The following GPAT3 variants were observed in gnomAD, a reference collection of about 807,000 sequenced individuals.
GPAT3 encodes glycerol-3-phosphate acyltransferase 3.
A neutral mutation model predicts 58.8 loss-of-function variants in GPAT3; 53 were observed. That is an observed-to-expected ratio of 0.90 (90% CI 0.72 to 1.13). The LOEUF is 1.13. GPAT3 is among the 50% of genes most tolerant of loss of function. GPAT3 has a pLI of 0.00. For missense variants in GPAT3, 511 were observed against 527.6 expected (o/e 0.97, Z 0.31); for synonymous variants, 197 against 187.4 (o/e 1.05, Z -0.42).
intron 2 of GPAT3, among the ~76,000 whole-genome samples, chr4:83,554,441 C>A (rs535743602): frequency 6.6e-6 from 1 of 152,222 alleles, no homozygotes; most frequent in East Asian, 1.9e-4. Context: ...AGAGAAAAAT[C>A]CCAATCAAAA....
At chr4:83,551,845 T>TATCTATCTATCTATCTATCC in intron 2 of GPAT3, among the ~76,000 whole-genome samples, 1 of 149,854 alleles carries the variant, frequency 6.7e-6, no homozygotes, top group Non-Finnish European at 1.5e-5. Flanking sequence ...TCTATCTATC[T>TATCTATCTATCTATCTATCC]ATCTGAAGCA....
intron 2 of GPAT3, among the ~76,000 whole-genome samples, chr4:83,578,943 T>TTTC (rs767374791): frequency 0.098 from 912 of 9,298 alleles, 45 homozygotes; most frequent in Non-Finnish European, 0.18. Context: ...CTTTCTTTTC[T>TTTC]TTTCTTTTCT....
intron 2 of GPAT3, among the ~76,000 whole-genome samples, chr4:83,576,998 T>A (rs1725845401): frequency 6.6e-6 from 1 of 152,180 alleles, no homozygotes; most frequent in Non-Finnish European, 1.5e-5. Context: ...AGCACCACTT[T>A]CAGCCAAGTG....
chr4:83,597,516 G>A lies in GPAT3; in HGVS notation c.996+1G>A, dbSNP rs1487916417. On this transcript the variant is annotated splice_donor_variant, in intron 9 of 11. Transcript: ENST00000264409. LOFTEE classifies it high-confidence loss of function. The stretch of plus-strand genomic sequence containing the variant: ...AACCATACATCCAGTTGCAATTAAG[G>A]TAAAACAGATACCATAATAAGAATA... 1 of 1,512,954 alleles carries A rather than the reference G, an allele frequency of 6.6e-7. No individual in the cohort carries two copies. The allele number at this position is 1,512,954 out of a possible 1,614,324, so 93.7% of individuals were successfully genotyped here. A position where few individuals can be genotyped will look rare whatever the true frequency, so the allele number is the denominator to read the frequency against.
Position 83,596,911 on chromosome 4 carries a change from A to T in GPAT3, c.908A>T (p.Glu303Val). The change falls in exon 8 of 12, where the codon GAA becomes GTA. Residue 303 changes from glutamate (E) to valine (V), a missense_variant and splice_region_variant. Glu to Val is a moderately radical substitution (Grantham distance 121). Coordinates refer to ENST00000264409, the MANE Select transcript of GPAT3 (RefSeq NM_032717.5). Reference sequence around the variant, plus strand: ...AAACTACCCATACTAATTTTTCCTGAAGGTAAGAATGGGCCTGCCTCCCGA... The same window carrying T: ...AAACTACCCATACTAATTTTTCCTGTAGGTAAGAATGGGCCTGCCTCCCGA... The part of the protein sequence containing the change: ...KKKLPILIFP[E>V]GTCINNTSVM... 6.2e-7 allele frequency: 1 copy of T among 1,602,106 alleles called. No homozygotes were observed. Among genetic ancestry groups the T allele is most frequent in the Middle Eastern group, 1.7e-4 (1 of 6,036 alleles).
chr4:83,568,510 C>CTTTTT (rs149388912), intron 2 of GPAT3, among the ~76,000 whole-genome samples: 1 of 141,720 alleles, frequency 7.1e-6, no homozygotes, highest in Admixed American at 7.0e-5. Flanking sequence ...TTTGTATTCA[C>CTTTTT]TTTTTTTTTT....
In GPAT3 at chr4:83,536,557, G is replaced by A. The variant is rs1481918174; in HGVS notation, c.-66G>A. The A allele has an allele frequency of 6.4e-7, 1 of 1,564,334 alleles. No individual in the cohort carries two copies. The highest frequency in any genetic ancestry group is 8.7e-7 in the Non-Finnish European group (1 of 1,152,964). ...CCTGGAGCTCCCGCGGGACTGCCTG[G>A]GGACAGGGACTGCTGTGGCGCTCGG... On this transcript the variant is annotated 5_prime_UTR_variant, in exon 1 of 12. Coordinates refer to ENST00000264409, the MANE Select transcript of GPAT3 (RefSeq NM_032717.5).
At chr4:83,549,310 TA>T (rs915694871) in intron 2 of GPAT3, among the ~76,000 whole-genome samples, 4 of 152,090 alleles carry the variant, frequency 2.6e-5, no homozygotes, top group Admixed American at 2.0e-4. Flanking sequence ...CCCTCAAGAA[TA>T]TGAAGTGTAA....
chr4:83,581,626 T>C lies in GPAT3; in HGVS notation c.273T>C (p.Phe91=). ...KGLSGLRGRD[F]ELSDVFYFSK... ...TCTCTGGTCTACGAGGAAGGGACTT[T>C]GAGCTGTCTGACGTGTTTTATTTCT... The change falls in exon 3 of 12, where the codon TTT becomes TTC. Residue 91 remains phenylalanine (F), a synonymous_variant. Transcript: ENST00000264409. 6.2e-7 allele frequency: 1 copy of C among 1,614,202 alleles called. No homozygotes were observed. The highest frequency in any genetic ancestry group is 2.2e-5 in the East Asian group (1 of 44,890).
At chr4:83,557,092 A>G (rs763085912) in intron 2 of GPAT3, among the ~76,000 whole-genome samples, 1 of 152,246 alleles carries the variant, frequency 6.6e-6, no homozygotes, top group African/African-American at 2.4e-5. Context: ...TCCCACCTCC[A>G]AATACTCTGA....
chr4:83,536,325 G>A lies in GPAT3; in HGVS notation c.-298G>A. On this transcript the variant is annotated 5_prime_UTR_variant, in exon 1 of 12. Transcript: ENST00000264409. The stretch of plus-strand genomic sequence containing the variant: ...CGCCGCGGTGTGCCTCCGCTTACCC[G>A]CAGCTCCGACCACTGGCTCGCGCTA... 4.5e-6 allele frequency: 5 copies of A among 1,122,412 alleles called. No homozygotes were observed. The highest frequency in any genetic ancestry group is 5.4e-6 in the Non-Finnish European group (5 of 917,466). 69.5% of individuals were successfully genotyped at this position (1,122,412 alleles called of 1,614,324 possible).
chr4:83,601,365 T>G (rs1244909453), intron 11 of GPAT3, among the ~76,000 whole-genome samples: 4 of 152,232 alleles, frequency 2.6e-5, no homozygotes, highest in Non-Finnish European at 5.9e-5. Flanking sequence ...ATAGCGTGAA[T>G]ACAACTAATT....
chr4:83,571,699 C>A (rs193274865), intron 2 of GPAT3, among the ~76,000 whole-genome samples: 2 of 101,106 alleles, frequency 2.0e-5, no homozygotes, highest in East Asian at 8.0e-4. Flanking sequence ...TATATATATA[C>A]ACACACACAT....
intron 1 of GPAT3, 41 bp from the exon 2 acceptor site, chr4:83,544,495 C>A: frequency 6.3e-7 from 1 of 1,577,460 alleles, no homozygotes; most frequent in Non-Finnish European, 8.7e-7. Flanking sequence ...TATGTTGTGT[C>A]TGTGGGACAG....
chr4:83,564,525 C>A (rs1314738712), intron 2 of GPAT3, among the ~76,000 whole-genome samples: 1 of 152,022 alleles, frequency 6.6e-6, no homozygotes, highest in African/African-American at 2.4e-5. Context: ...ATAGCAAGAC[C>A]TTCTCTCTAC....
intron 2 of GPAT3, among the ~76,000 whole-genome samples, chr4:83,547,305 T>G (rs563354509): frequency 1.4e-5 from 2 of 139,378 alleles, no homozygotes; most frequent in East Asian, 2.1e-4. Context: ...CAGGCTGGAG[T>G]GCAGTGGCGG....
intron 2 of GPAT3, among the ~76,000 whole-genome samples, chr4:83,578,272 T>C (rs1725893847): frequency 6.6e-6 from 1 of 152,252 alleles, no homozygotes; most frequent in South Asian, 2.1e-4. Flanking sequence ...TAATATATTC[T>C]GGAAATTAAT....
At chr4:83,593,077 G>A (rs1397052595) in intron 6 of GPAT3, among the ~76,000 whole-genome samples, 3 of 151,238 alleles carry the variant, frequency 2.0e-5, no homozygotes, top group Non-Finnish European at 1.5e-5. Flanking sequence ...ATGTTGGCCA[G>A]GCTGGTCTCA....
chr4:83,595,268 T>G (rs2110107913), intron 7 of GPAT3: 1 of 189,012 alleles, frequency 5.3e-6, no homozygotes, highest in Non-Finnish European at 1.1e-5. Context: ...TGATCTCACT[T>G]GAGTATAAGC....
Sources: gnomAD v4.1 joint callset for allele counts (sites outside exome capture counted in the v4.1 genomes callset) on GRCh38, gnomAD v4.1.1 for gene constraint, MANE v1.5 for transcripts, NCBI Gene and HGNC (gene_info 2026-07-23, HGNC 2026-07-21) for gene names.